PRPS1: variants seen among roughly 807,000 people sequenced by gnomAD.
PRPS1 encodes ribose-phosphate pyrophosphokinase 1.
In PRPS1, 1 loss-of-function variant was observed where a neutral mutation model predicts 16.9. That is an observed-to-expected ratio of 0.06 (90% CI 0.02 to 0.28). The LOEUF (loss-of-function observed/expected upper bound fraction) is 0.28, where lower values mean the gene tolerates loss of function less well. Ranked by LOEUF, PRPS1 falls within the 10% of genes least tolerant of loss-of-function variation. The probability of loss-of-function intolerance (pLI) is 1.00; values close to 1 mark genes in which losing one functional copy is unlikely to be tolerated. For synonymous variants in PRPS1, 70 were observed against 90.2 expected, an observed-to-expected ratio of 0.78 and a Z score of 1.27; for missense variants, 47 against 254.0, an observed-to-expected ratio of 0.19 and a Z score of 5.54.
intron 4 of PRPS1, among the ~76,000 whole-genome samples, chrX:107,644,148 C>A (rs1925636963): frequency 8.9e-6 from 1 of 112,297 alleles, no homozygotes; most frequent in Admixed American, 9.4e-5. Flanking sequence ...ACAAATTTGT[C>A]TTCTATCCTA....
At chrX:107,630,914 G>T (rs1210307347) in intron 1 of PRPS1, among the ~76,000 whole-genome samples, 1 of 112,031 alleles carries the variant, frequency 8.9e-6, no homozygotes, top group East Asian at 2.8e-4. Flanking sequence ...TAGAAGTAAA[G>T]TTCTTAGGAT....
chrX:107,641,236 G>C (rs1441416499), intron 3 of PRPS1: 2 of 817,855 alleles, frequency 2.4e-6, no homozygotes, highest in African/African-American at 4.1e-5. Context: ...AAAGGCTCTG[G>C]TATTTACTAG....
intron 1 of PRPS1, among the ~76,000 whole-genome samples, chrX:107,631,849 G>T (rs1449859522): frequency 2.7e-5 from 3 of 111,733 alleles, no homozygotes; most frequent in Non-Finnish European, 5.6e-5. Flanking sequence ...ACCACGCCCA[G>T]CTAATATTTT....
intron 1 of PRPS1, 98 bp downstream of exon 1, chrX:107,628,848 T>C: frequency 8.8e-7 from 1 of 1,135,804 alleles, no homozygotes; most frequent in South Asian, 1.9e-5. Flanking sequence ...AGACTGGGGG[T>C]TGGGGGGAGA....
chrX:107,630,466 T>G (rs1274533380), intron 1 of PRPS1, among the ~76,000 whole-genome samples: 3 of 112,075 alleles, frequency 2.7e-5, no homozygotes, highest in African/African-American at 9.7e-5. Context: ...TGATTTCTAT[T>G]AAGTCCAACA....
chrX:107,638,019 A>C (rs1464760362), intron 1 of PRPS1, among the ~76,000 whole-genome samples: 1 of 108,887 alleles, frequency 9.2e-6, no homozygotes, highest in Non-Finnish European at 1.9e-5. Flanking sequence ...TGCTCACTGT[A>C]ATCTCTGCCT....
intron 3 of PRPS1, among the ~76,000 whole-genome samples, chrX:107,641,928 C>G (rs948376536): frequency 8.9e-6 from 1 of 112,452 alleles, no homozygotes; most frequent in African/African-American, 3.2e-5. Context: ...TTCACTGTGA[C>G]TATTTATCAT....
chrX:107,638,163 G>A (rs930669716), intron 1 of PRPS1, among the ~76,000 whole-genome samples: 6 of 109,348 alleles, frequency 5.5e-5, no homozygotes, highest in Non-Finnish European at 1.1e-4. Flanking sequence ...AGGCTGGAGC[G>A]CAGTAGCGTG....
intron 5 of PRPS1, among the ~76,000 whole-genome samples, chrX:107,646,621 G>T (rs1032580893): frequency 1.8e-5 from 2 of 112,219 alleles, no homozygotes; most frequent in Non-Finnish European, 3.8e-5. Flanking sequence ...TTTCCTTCTT[G>T]TCCATGGCAC....
intron 1 of PRPS1, among the ~76,000 whole-genome samples, chrX:107,634,674 A>T (rs764286284): frequency 6.3e-5 from 7 of 111,217 alleles, no homozygotes; most frequent in Non-Finnish European, 1.3e-4. Context: ...TTTATGGGTG[A>T]GACCTCTAAA....
Position 107,650,127 on chromosome X carries a change from C to T in PRPS1, c.*95C>T. 8.4e-7 allele frequency: 1 copy of T among 1,192,985 alleles called. No individual in the cohort carries two copies. Reference sequence around the variant, plus strand: ...CAAATTCAGCAGAAGACCCGGCTTGCTCCAGTGTAGCTTTCTACATCCCAC... The same window carrying T: ...CAAATTCAGCAGAAGACCCGGCTTGTTCCAGTGTAGCTTTCTACATCCCAC... On this transcript the variant is annotated 3_prime_UTR_variant, in exon 7 of 7. Coordinates refer to ENST00000372435, the MANE Select transcript of PRPS1 (RefSeq NM_002764.4).
At chrX:107,631,844 G>C (rs1377921793) in intron 1 of PRPS1, among the ~76,000 whole-genome samples, 1 of 111,504 alleles carries the variant, frequency 9.0e-6, no homozygotes, top group Admixed American at 9.6e-5. Context: ...GTGCCACCAC[G>C]CCCAGCTAAT....
chrX:107,650,272 T>C lies in PRPS1; in HGVS notation c.*240T>C. On this transcript the variant is annotated 3_prime_UTR_variant, in exon 7 of 7. Transcript: ENST00000372435. Reference sequence around the variant, plus strand: ...GATAATTCTGTGGGCCTTGCAGCTTTAACTATAGCTCAGCTGCTGCAAGAT... The same window carrying C: ...GATAATTCTGTGGGCCTTGCAGCTTCAACTATAGCTCAGCTGCTGCAAGAT... 1 of 527,049 alleles carries C rather than the reference T, an allele frequency of 1.9e-6. No individual in the cohort carries two copies. Among genetic ancestry groups the C allele is most frequent in the Non-Finnish European group, 3.0e-6 (1 of 335,341 alleles). 43.4% of individuals were successfully genotyped at this position (527,049 alleles called of 1,213,427 possible). A position where few individuals can be genotyped will look rare whatever the true frequency, so the allele number is the denominator to read the frequency against.
chrX:107,642,346 G>C lies in PRPS1; in HGVS notation c.406-20G>C, dbSNP rs781524630. ...AAGAGAAGGAAAGTGAAGCAAAACT[G>C]ATCCAGCTTCTTTCTACAGGGCTTT... On this transcript the variant is annotated intron_variant, in intron 3 of 6. Transcript: ENST00000372435. The C allele has an allele frequency of 1.2e-5, 14 of 1,209,904 alleles. No homozygotes were observed. The highest frequency in any genetic ancestry group is 8.8e-5 in the South Asian group (5 of 56,863).
At chrX:107,649,236 C>T (rs1000736840) in intron 6 of PRPS1, among the ~76,000 whole-genome samples, 4 of 110,739 alleles carry the variant, frequency 3.6e-5, no homozygotes, top group African/African-American at 1.3e-4. Flanking sequence ...AGGCATACAC[C>T]ACAACCACGC....
At chrX:107,646,118 T>G (rs1170399758) in intron 5 of PRPS1, among the ~76,000 whole-genome samples, 3 of 111,110 alleles carry the variant, frequency 2.7e-5, no homozygotes, top group African/African-American at 9.8e-5. Context: ...TTATTTTTAT[T>G]TTGAGACATG....
chrX:107,642,522 A>C, intron 4 of PRPS1, 32 bp downstream of exon 4: 1 of 1,209,631 alleles, frequency 8.3e-7, no homozygotes, highest in East Asian at 3.0e-5. Flanking sequence ...TTCCCAATGT[A>C]CTGGGAAAAT....
At chrX:107,638,606 A>G (rs950096009) in intron 1 of PRPS1, among the ~76,000 whole-genome samples, 1 of 111,326 alleles carries the variant, frequency 9.0e-6, no homozygotes, top group Non-Finnish European at 1.9e-5. Flanking sequence ...TTTTTTGTAG[A>G]GATGGGGTCT....
At chrX:107,638,621 G>GTATT (rs1207096852) in intron 1 of PRPS1, among the ~76,000 whole-genome samples, 1 of 111,460 alleles carries the variant, frequency 9.0e-6, no homozygotes, top group East Asian at 2.8e-4. Context: ...GGGTCTCACT[G>GTATT]TATTACCCAG....
Sources: gnomAD v4.1 joint callset for allele counts (sites outside exome capture counted in the v4.1 genomes callset) on GRCh38, gnomAD v4.1.1 for gene constraint, MANE v1.5 for transcripts, NCBI Gene and HGNC (gene_info 2026-07-23, HGNC 2026-07-21) for gene names.